Variants in SEMA4D observed in about 807,000 individuals in gnomAD.
SEMA4D encodes the protein semaphorin-4D.
A neutral mutation model predicts 74.8 loss-of-function variants in SEMA4D; 22 were observed. That is an observed-to-expected ratio of 0.29 (90% CI 0.21 to 0.42). The LOEUF (loss-of-function observed/expected upper bound fraction) is 0.42, where lower values mean the gene tolerates loss of function less well. Among genes scored for constraint, SEMA4D ranks in the 10% least tolerant of loss-of-function variants. The pLI is 1.00. For synonymous variants in SEMA4D, 445 were observed against 463.7 expected (o/e 0.96, Z 0.52); for missense variants, 937 against 1,118.4 (o/e 0.84, Z 2.31).
chr9:89,371,356 G>GT (rs1834699070), intron 16 of SEMA4D, among the ~76,000 whole-genome samples: 2 of 136,826 alleles, frequency 1.5e-5, no homozygotes, highest in African/African-American at 2.8e-5. Context: ...TGTGTGTTGG[G>GT]GTGTGTGTGT....
At position 89,405,828 on chromosome 9, in the gene SEMA4D, C is replaced by T. The variant is rs58871920; in HGVS notation, c.-243-129G>A. The T allele has an allele frequency of 1.0e-3, 1,329 of 1,286,722 alleles. 8 individuals carry two copies. In the African/African-American group the frequency reaches 0.017, roughly 16 times the overall value. The allele number at this position is 1,286,722 out of a possible 1,614,324, so 79.7% of individuals were successfully genotyped here. A position where few individuals can be genotyped will look rare whatever the true frequency, so the allele number is the denominator to read the frequency against. On this transcript the variant is annotated intron_variant, in intron 2 of 15. Transcript: ENST00000422704. ...ATCTGCTGAGGAATACGGAAGGCAG[C>T]GGGGGACAAAGAGAGTCTTAGAAGT...
intron 1 of SEMA4D, among the ~76,000 whole-genome samples, chr9:89,485,131 G>A (rs760156307): frequency 2.6e-4 from 39 of 152,130 alleles, no homozygotes; most frequent in Non-Finnish European, 4.9e-4. Flanking sequence ...CAGAAGGCAC[G>A]TCATCAACTA....
chr9:89,462,785 T>TA (rs929239926), intron 1 of SEMA4D, among the ~76,000 whole-genome samples: 2 of 150,022 alleles, frequency 1.3e-5, no homozygotes, highest in African/African-American at 4.9e-5. Context: ...TCTCTACAAA[T>TA]AAAAAACAAT....
intron 1 of SEMA4D, among the ~76,000 whole-genome samples, 163 bp from the exon 2 acceptor site, chr9:89,456,116 A>G (rs1042927440): frequency 6.6e-6 from 1 of 152,230 alleles, no homozygotes; most frequent in African/African-American, 2.4e-5. Context: ...GATACAGCTT[A>G]CCTGGCCACG....
chr9:89,364,404 C>T (rs1833251318), intron 16 of SEMA4D: 2 of 261,082 alleles, frequency 7.7e-6, no homozygotes, highest in South Asian at 4.6e-5. Context: ...CAGCTGTGTG[C>T]AGAGGGGGCT....
At chr9:89,494,121 G>GAACTTCCA (rs1825827642) in intron 1 of SEMA4D, among the ~76,000 whole-genome samples, 1 of 152,160 alleles carries the variant, frequency 6.6e-6, no homozygotes, top group Admixed American at 6.5e-5. Flanking sequence ...GTAGAAACAT[G>GAACTTCCA]AACTTCCACA....
chr9:89,457,308 G>C (rs1856183937), intron 1 of SEMA4D, among the ~76,000 whole-genome samples: 1 of 152,062 alleles, frequency 6.6e-6, no homozygotes. Context: ...CATTCCAATT[G>C]GACACAAAGC....
At chr9:89,427,953 A>G (rs1848452984) in intron 2 of SEMA4D, among the ~76,000 whole-genome samples, 1 of 152,166 alleles carries the variant, frequency 6.6e-6, no homozygotes, top group South Asian at 2.1e-4. Context: ...GGGCCCAGGA[A>G]GGAGGTGTGT....
chr9:89,397,113 C>T (rs990589904), intron 5 of SEMA4D, among the ~76,000 whole-genome samples: 2 of 152,190 alleles, frequency 1.3e-5, no homozygotes, highest in Non-Finnish European at 2.9e-5. Flanking sequence ...TGAAACTGGC[C>T]TGAGTAATTG....
chr9:89,455,093 CAAT>C (rs1403193103), intron 2 of SEMA4D, among the ~76,000 whole-genome samples: 17 of 152,388 alleles, frequency 1.1e-4, no homozygotes, highest in Admixed American at 7.8e-4. Flanking sequence ...TAGCCTACAA[CAAT>C]ATCACTTCAT....
intron 2 of SEMA4D, among the ~76,000 whole-genome samples, chr9:89,455,095 A>G (rs1855612650): frequency 6.6e-6 from 1 of 152,168 alleles, no homozygotes; most frequent in African/African-American, 2.4e-5. Flanking sequence ...GCCTACAACA[A>G]TATCACTTCA....
In SEMA4D at chr9:89,485,191, T is replaced by C. The variant is rs142442170; in HGVS notation, c.-310+12728A>G. On this transcript the variant is annotated intron_variant, in intron 1 of 15. Transcript: ENST00000422704. ...TGGTCTAGTGCTTTCTAGGCAATTG[T>C]AAGTCCTTGCCATGCATGTTGGTTC... Among the ~76,000 whole-genome samples the C allele has an allele frequency of 1.8e-4, 27 of 152,298 alleles. No individual in the cohort carries two copies. The East Asian group carries it at 4.8e-3, about 27-fold the overall frequency.
intron 16 of SEMA4D, chr9:89,368,959 G>A (rs915048634): frequency 1.3e-5 from 2 of 152,278 alleles, no homozygotes; most frequent in African/African-American, 2.4e-5. Flanking sequence ...CAGGTAACCA[G>A]ACAGCTGTGT....
intron 1 of SEMA4D, among the ~76,000 whole-genome samples, chr9:89,474,587 T>C (rs1861299073): frequency 1.3e-5 from 2 of 152,228 alleles, no homozygotes; most frequent in African/African-American, 4.8e-5. Context: ...TTTTGTTTTT[T>C]CAGTGTGTAC....
intron 1 of SEMA4D, among the ~76,000 whole-genome samples, chr9:89,470,488 G>A (rs1859884746): frequency 6.6e-6 from 1 of 152,202 alleles, no homozygotes; most frequent in Admixed American, 6.5e-5. Flanking sequence ...CCAGGTGCTG[G>A]TAAGGGTACA....
intron 2 of SEMA4D, among the ~76,000 whole-genome samples, chr9:89,445,014 C>T (rs1852503147): frequency 6.6e-6 from 1 of 152,104 alleles, no homozygotes; most frequent in South Asian, 2.1e-4. Context: ...ACAGAATATC[C>T]AACAAGGATG....
At chr9:89,362,462 G>A (rs1832842248) in intron 18 of SEMA4D, 1 of 1,613,990 alleles carries the variant, frequency 6.2e-7, no homozygotes, top group African/African-American at 1.3e-5. Context: ...AATCCTTGGT[G>A]GAACGGATGG....
At chr9:89,363,866 T>C (rs753559113) in exon 17 of SEMA4D, 1 of 1,614,100 alleles carries the variant, frequency 6.2e-7, no homozygotes, top group Non-Finnish European at 8.5e-7. Flanking sequence ...GGCCCTGCCA[T>C]CGGGCAGTGC....
chr9:89,423,379 C>T (rs1194277822), intron 2 of SEMA4D, among the ~76,000 whole-genome samples: 1 of 152,044 alleles, frequency 6.6e-6, no homozygotes, highest in Non-Finnish European at 1.5e-5. Flanking sequence ...TTCGTACACA[C>T]AGGGTTTCTC....
Sources: allele counts gnomAD v4.1 joint callset (sites outside exome capture counted in the v4.1 genomes callset), GRCh38; gene constraint gnomAD v4.1.1; transcripts MANE v1.5; gene names NCBI Gene and HGNC (gene_info 2026-07-23, HGNC 2026-07-21).